The following PLPPR1 variants were observed in gnomAD, a reference collection of about 807,000 sequenced individuals.
PLPPR1 encodes the protein phospholipid phosphatase related 1.
Under a neutral mutation model 33.1 loss-of-function variants are expected in PLPPR1, and 10 were observed. The ratio of observed to expected loss-of-function variants is 0.30; its 90% CI spans 0.19 to 0.51. The LOEUF is 0.51. Among genes scored for constraint, PLPPR1 ranks in the 20% least tolerant of loss-of-function variants. The probability of loss-of-function intolerance (pLI) is 0.97; values close to 1 mark genes in which losing one functional copy is unlikely to be tolerated. For synonymous variants in PLPPR1, 151 were observed against 151.0 expected (o/e 1.00, Z 0.00); for missense variants, 304 against 408.1 (o/e 0.74, Z 2.20).
At chr9:101,207,873 G>A in intron 2 of PLPPR1, among the ~76,000 whole-genome samples, 1 of 152,128 alleles carries the variant, frequency 6.6e-6, no homozygotes, top group Non-Finnish European at 1.5e-5. Context: ...ACCACAGAAG[G>A]ACTTCCAAGA....
intron 1 of PLPPR1, among the ~76,000 whole-genome samples, chr9:101,157,727 C>T (rs1336277495): frequency 6.6e-6 from 1 of 152,000 alleles, no homozygotes; most frequent in Non-Finnish European, 1.5e-5. Flanking sequence ...AGGGGCCGGG[C>T]ATGGTGACTC....
At chr9:101,133,110 A>AT (rs975589904) in intron 1 of PLPPR1, among the ~76,000 whole-genome samples, 3 of 152,026 alleles carry the variant, frequency 2.0e-5, no homozygotes, top group Admixed American at 6.6e-5. Flanking sequence ...GAATAAAATG[A>AT]TTTTTTTCTT....
chr9:101,085,745 G>C (rs927405778), intron 1 of PLPPR1, among the ~76,000 whole-genome samples: 4 of 152,152 alleles, frequency 2.6e-5, no homozygotes, highest in African/African-American at 9.6e-5. Flanking sequence ...CTAGTTTTCA[G>C]AAGAATGTGG....
At chr9:101,197,932 A>G (rs1449148540) in intron 2 of PLPPR1, among the ~76,000 whole-genome samples, 13 of 152,132 alleles carry the variant, frequency 8.5e-5, no homozygotes, top group African/African-American at 3.1e-4. Flanking sequence ...CTAATACCCA[A>G]TTGTTTTTAC....
chr9:101,071,335 GT>G (rs150005074), intron 1 of PLPPR1, among the ~76,000 whole-genome samples: 7,502 of 152,172 alleles, frequency 0.049, 509 homozygotes, highest in East Asian at 0.26. Flanking sequence ...GAGGGAAAAA[GT>G]TAAGCTGTTT....
At chr9:101,180,770 C>T (rs912479914) in intron 1 of PLPPR1, among the ~76,000 whole-genome samples, 19 of 151,634 alleles carry the variant, frequency 1.3e-4, no homozygotes, top group African/African-American at 3.6e-4. Flanking sequence ...ACATGAGACC[C>T]GAAACTGTAA....
At chr9:101,255,983 A>G (rs1428951541) in intron 2 of PLPPR1, among the ~76,000 whole-genome samples, 1 of 152,116 alleles carries the variant, frequency 6.6e-6, no homozygotes, top group Non-Finnish European at 1.5e-5. Context: ...AAGTTGTCCA[A>G]AGATAAAAGA....
rs1307700193 is a variant in PLPPR1, at chr9:101,322,262, A to C, written c.946-1763A>C. On this transcript the variant is annotated intron_variant, in intron 7 of 7. Transcript: ENST00000374874. Reference sequence around the variant, plus strand: ...TCAGGAAAGCAATAATAATAATTAGATCAAAGCCACAGTTTGTTAAAGATT... The same window carrying C: ...TCAGGAAAGCAATAATAATAATTAGCTCAAAGCCACAGTTTGTTAAAGATT... Among the ~76,000 whole-genome samples, 4 of 150,744 alleles carry C rather than the reference A, an allele frequency of 2.7e-5. No homozygotes were observed. In the East Asian group the frequency reaches 7.8e-4, roughly 29 times the overall value.
chr9:101,172,628 TC>T (rs1386677463), intron 1 of PLPPR1, among the ~76,000 whole-genome samples: 3 of 152,106 alleles, frequency 2.0e-5, no homozygotes, highest in Non-Finnish European at 4.4e-5. Flanking sequence ...TCATCAGTAC[TC>T]TGCTGAAGAC....
intron 1 of PLPPR1, among the ~76,000 whole-genome samples, chr9:101,181,693 T>C (rs972557086): frequency 1.2e-3 from 157 of 131,702 alleles, no homozygotes; most frequent in Non-Finnish European, 3.2e-4. Flanking sequence ...CACACACACA[T>C]ACATATATAC....
intron 2 of PLPPR1, among the ~76,000 whole-genome samples, chr9:101,241,047 C>A (rs1827454834): frequency 6.6e-6 from 1 of 152,020 alleles, no homozygotes; most frequent in South Asian, 2.1e-4. Flanking sequence ...GTTTTGCTAC[C>A]ATGTCTTCAA....
intron 1 of PLPPR1, among the ~76,000 whole-genome samples, chr9:101,053,821 C>T (rs755529124): frequency 1.2e-4 from 19 of 152,058 alleles, no homozygotes; most frequent in Non-Finnish European, 2.4e-4. Flanking sequence ...AGCCTTTATT[C>T]TGTAAAAAAT....
At position 101,262,040 on chromosome 9, in the gene PLPPR1, A is replaced by C. The variant is rs953504704; in HGVS notation, c.64-7840A>C. ...AACTAACTGGAGACTTACTAGAAAA[A>C]TAGTCTCTAATTCACTGCTGCCCAT... On this transcript the variant is annotated intron_variant, in intron 2 of 7. Transcript: ENST00000374874. Among the ~76,000 whole-genome samples the C allele has an allele frequency of 2.6e-5, 4 of 152,170 alleles. No homozygotes were observed. In the East Asian group the frequency reaches 7.7e-4, roughly 29 times the overall value.
At chr9:101,040,599 A>G (rs991120746) in intron 1 of PLPPR1, among the ~76,000 whole-genome samples, 1 of 152,142 alleles carries the variant, frequency 6.6e-6, no homozygotes, top group African/African-American at 2.4e-5. Flanking sequence ...TGTTCTGCAA[A>G]AACTTGAATG....
At chr9:101,137,035 A>G (rs1831385779) in intron 1 of PLPPR1, among the ~76,000 whole-genome samples, 1 of 152,182 alleles carries the variant, frequency 6.6e-6, no homozygotes, top group African/African-American at 2.4e-5. Context: ...GAGGTGATGG[A>G]TACCCCATTT....
At chr9:101,223,248 A>G (rs997521699) in intron 2 of PLPPR1, among the ~76,000 whole-genome samples, 1 of 151,040 alleles carries the variant, frequency 6.6e-6, no homozygotes, top group Non-Finnish European at 1.5e-5. Context: ...AAGTGGGACA[A>G]TTGCATGTGC....
chr9:101,193,449 A>C (rs897369731), intron 2 of PLPPR1, among the ~76,000 whole-genome samples: 22 of 152,224 alleles, frequency 1.4e-4, no homozygotes, highest in African/African-American at 5.1e-4. Flanking sequence ...AATCTATAAA[A>C]TGGTAATGAT....
At chr9:101,146,098 C>A (rs905002248) in intron 1 of PLPPR1, among the ~76,000 whole-genome samples, 1 of 152,160 alleles carries the variant, frequency 6.6e-6, no homozygotes. Flanking sequence ...ATTACTACTT[C>A]CCTCTGTCTC....
chr9:101,285,956 T>C, intron 3 of PLPPR1, 148 bp from the exon 4 acceptor site: 1 of 588,072 alleles, frequency 1.7e-6, no homozygotes, highest in Admixed American at 2.8e-5. Context: ...AAGTGTTAAA[T>C]GCAAATTACG....
Sources: allele counts gnomAD v4.1 joint callset (sites outside exome capture counted in the v4.1 genomes callset), GRCh38; gene constraint gnomAD v4.1.1; transcripts MANE v1.5; gene names NCBI Gene and HGNC (gene_info 2026-07-23, HGNC 2026-07-21).